The following MLPH variants were observed in gnomAD, a reference collection of about 807,000 sequenced individuals.
MLPH encodes exophilin-3.
MLPH carries 51 observed loss-of-function variants against 72.1 expected under a neutral mutation model. The ratio of observed to expected loss-of-function variants is 0.71; its 90% confidence interval spans 0.56 to 0.89. The LOEUF is 0.89. MLPH is among the 40% of genes least tolerant of loss of function. The pLI is 0.00. For synonymous variants in MLPH, 301 were observed against 310.1 expected (o/e 0.97, Z 0.31); for missense variants, 743 against 759.9 (o/e 0.98, Z 0.26).
upstream of MLPH, among the ~76,000 whole-genome samples, chr2:237,486,907 G>C (rs1225288887): frequency 5.9e-5 from 9 of 152,138 alleles, no homozygotes; most frequent in South Asian, 1.9e-3. Flanking sequence ...TAGAAATTTC[G>C]ACGATGTGCC....
In MLPH at chr2:237,510,237, T is replaced by C. The variant is rs1408016093; in HGVS notation, c.111-337T>C. The C allele has an allele frequency of 2.7e-6, 1 of 372,504 alleles. No homozygotes were observed. The highest frequency in any genetic ancestry group is 6.5e-5 in the East Asian group (1 of 15,372). The allele number at this position is 372,504 out of a possible 1,614,324, so 23.1% of individuals were successfully genotyped here. A position where few individuals can be genotyped will look rare whatever the true frequency, so the allele number is the denominator to read the frequency against. ...CCATCTGGCTTTGCCCCCAGGATTC[T>C]GTGACTGCCCTGGGGAGGGCGCAGT... On this transcript the variant is annotated intron_variant, in intron 2 of 15. Coordinates refer to ENST00000264605, the MANE Select transcript of MLPH (RefSeq NM_024101.7). The surrounding 1 kb of genome is among the most constrained non-coding windows in gnomAD (Gnocchi z 4.4).
At chr2:237,524,763 G>GCCAGGCCCGGGCACAGAGCCAGGC (rs2080265742) in intron 6 of MLPH, among the ~76,000 whole-genome samples, 1 of 152,030 alleles carries the variant, frequency 6.6e-6, no homozygotes, top group Non-Finnish European at 1.5e-5. Context: ...TGGGCACAGA[G>GCCAGGCCCGGGCACAGAGCCAGGC]CCAGGCCCAG....
chr2:237,526,394 G>A (rs1447146612), intron 7 of MLPH, among the ~76,000 whole-genome samples: 4 of 152,134 alleles, frequency 2.6e-5, no homozygotes, highest in Admixed American at 2.6e-4. Flanking sequence ...CCAAGCCACA[G>A]CAAGTGGCTG....
chr2:237,536,762 C>T (rs2080539463), intron 9 of MLPH, among the ~76,000 whole-genome samples: 1 of 152,236 alleles, frequency 6.6e-6, no homozygotes, highest in African/African-American at 2.4e-5. Flanking sequence ...AACTCCTTCC[C>T]CACCCTGCTG....
chr2:237,492,607 C>T (rs1026962324), intron 1 of MLPH, among the ~76,000 whole-genome samples: 6 of 152,170 alleles, frequency 3.9e-5, no homozygotes, highest in South Asian at 2.1e-4. Context: ...GCTGACCTCT[C>T]GAGTAAATAA....
chr2:237,546,508 T>A, intron 12 of MLPH, 98 bp from the exon 13 acceptor site: 2 of 1,038,598 alleles, frequency 1.9e-6, no homozygotes, highest in Non-Finnish European at 3.0e-6. Flanking sequence ...CCAGCATGTA[T>A]AGAGAGCATC....
intron 2 of MLPH, among the ~76,000 whole-genome samples, chr2:237,508,474 G>A (rs1257099619): frequency 2.0e-5 from 3 of 152,094 alleles, no homozygotes; most frequent in African/African-American, 4.8e-5. Context: ...GCCCTGACTC[G>A]TGCTAAAGCC....
At position 237,546,285 on chromosome 2, in the gene MLPH, A is replaced by G. The variant is rs2080917014; in HGVS notation, c.1540-321A>G. 1.0e-5 allele frequency: 4 copies of G among 399,762 alleles called. No homozygotes were observed. In the Admixed American group the frequency reaches 1.5e-4, roughly 15 times the overall value. The allele number at this position is 399,762 out of a possible 1,614,324, so 24.8% of individuals were successfully genotyped here. On this transcript the variant is annotated intron_variant, in intron 12 of 15. Transcript: ENST00000264605. The stretch of plus-strand genomic sequence containing the variant: ...GAGCCTCAGGGGGATGACTGTGAAT[A>G]GAATGGGAGGCAGCTTTGCCCTAAG...
At chr2:237,527,198 T>C in intron 7 of MLPH, 179 bp from the exon 8 acceptor site, 1 of 739,622 alleles carries the variant, frequency 1.4e-6, no homozygotes, top group Non-Finnish European at 2.3e-6. Flanking sequence ...CTGAAGATCT[T>C]TGTGTGTGGC....
chr2:237,541,746 T>G lies in MLPH; in HGVS notation c.1446+789T>G, dbSNP rs1398462132. Reference sequence around the variant, plus strand: ...AATACCTTAGACGAAGCCCCAGCCTTCCTGGAGCTTGTTTTTAGTGGAAGG... The same window carrying G: ...AATACCTTAGACGAAGCCCCAGCCTGCCTGGAGCTTGTTTTTAGTGGAAGG... On this transcript the variant is annotated intron_variant, in intron 11 of 15. Coordinates refer to ENST00000264605, the MANE Select transcript of MLPH (RefSeq NM_024101.7). This position sits in a 1 kb window ranked among gnomAD's most constrained non-coding sequence, Gnocchi z 5.1. 6.6e-6 allele frequency among the ~76,000 whole-genome samples: 1 copy of G among 152,232 alleles called. No individual in the cohort carries two copies. The highest frequency in any genetic ancestry group is 2.4e-5 in the African/African-American group (1 of 41,458).
At position 237,548,879 on chromosome 2, in the gene MLPH, A is replaced by C. The variant is rs556649771; in HGVS notation, c.1618-342A>C. On this transcript the variant is annotated intron_variant, in intron 13 of 15. Coordinates refer to ENST00000264605, the MANE Select transcript of MLPH (RefSeq NM_024101.7). The stretch of plus-strand genomic sequence containing the variant: ...GGGTGACAGAGCGAGACTCCATCTC[A>C]AACAAAAAAAGAAGTGAATTAATTG... 2.6e-5 allele frequency among the ~76,000 whole-genome samples: 4 copies of C among 152,304 alleles called. No individual in the cohort carries two copies. The South Asian group carries it at 8.3e-4, about 32-fold the overall frequency.
At chr2:237,520,517 T>C (rs1328704146) in intron 6 of MLPH, among the ~76,000 whole-genome samples, 1 of 152,212 alleles carries the variant, frequency 6.6e-6, no homozygotes, top group Non-Finnish European at 1.5e-5. Context: ...ACACAGGGCA[T>C]GCGCAGGGGC....
At chr2:237,550,525 G>A (rs1162001999) in intron 14 of MLPH, among the ~76,000 whole-genome samples, 4 of 152,118 alleles carry the variant, frequency 2.6e-5, no homozygotes, top group East Asian at 1.9e-4. Flanking sequence ...ACATCTCGTG[G>A]GCTGAAATCC....
chr2:237,524,380 C>T (rs1161958735), intron 6 of MLPH, among the ~76,000 whole-genome samples: 1 of 150,064 alleles, frequency 6.7e-6, no homozygotes. Flanking sequence ...AGGCTGTCTT[C>T]AAGCTGAGGA....
chr2:237,490,482 C>A (rs1177881498), intron 1 of MLPH, among the ~76,000 whole-genome samples: 1 of 152,162 alleles, frequency 6.6e-6, no homozygotes, highest in Non-Finnish European at 1.5e-5. Flanking sequence ...GTGAAGCTTG[C>A]AAGACAAGAA....
intron 2 of MLPH, chr2:237,509,961 A>T (rs1347962920): frequency 6.4e-6 from 1 of 155,204 alleles, no homozygotes; most frequent in Non-Finnish European, 1.4e-5. Context: ...AATCTAGAAC[A>T]AAAGAAATGT....
At position 237,555,266 on chromosome 2, in the gene MLPH, G is replaced by A. The variant is rs2081103960; in HGVS notation, c.*1674G>A. ...TACTCGAGCCTGGGCAACAGAGTGA[G>A]ACCTTGTCTCTTAAAAAAATTAATA... On this transcript the variant is annotated 3_prime_UTR_variant, in exon 16 of 16. Transcript: ENST00000264605. 1 of 152,206 alleles carries A rather than the reference G, an allele frequency of 6.6e-6. No homozygotes were observed. Among genetic ancestry groups the A allele is most frequent in the African/African-American group, 2.4e-5 (1 of 41,452 alleles). 9.4% of individuals were successfully genotyped at this position (152,206 alleles called of 1,614,324 possible).
intron 9 of MLPH, among the ~76,000 whole-genome samples, chr2:237,536,375 A>G (rs576029918): frequency 6.6e-6 from 1 of 152,320 alleles, no homozygotes; most frequent in South Asian, 2.1e-4. Flanking sequence ...ACCATGTGCC[A>G]TAATTTCATT....
chr2:237,495,736 C>T (rs1350747665), intron 2 of MLPH, among the ~76,000 whole-genome samples: 2 of 152,194 alleles, frequency 1.3e-5, no homozygotes, highest in Non-Finnish European at 2.9e-5. Flanking sequence ...GGTTTCACCA[C>T]CGGCCTCGGG....
Sources: gnomAD v4.1 joint callset for allele counts (sites outside exome capture counted in the v4.1 genomes callset) on GRCh38, gnomAD v4.1.1 for gene constraint, Gnocchi (gnomAD v3.1) non-coding constraint, MANE v1.5 for transcripts, NCBI Gene and HGNC (gene_info 2026-07-23, HGNC 2026-07-21) for gene names.